DOCK9: variants seen among roughly 807,000 people sequenced by gnomAD.
DOCK9 encodes the protein dedicator of cytokinesis protein 9.
DOCK9 carries 89 observed loss-of-function variants against 263.3 expected under a neutral mutation model. That is an observed-to-expected ratio of 0.34 (90% CI 0.28 to 0.40). DOCK9 has a LOEUF of 0.40. DOCK9 is among the 10% of genes least tolerant of loss of function. The pLI is 1.00. For missense variants in DOCK9, 2,140 were observed against 2,603.4 expected (o/e 0.82, Z 3.87); for synonymous variants, 976 against 973.1 (o/e 1.00, Z -0.06).
At chr13:99,087,460 G>A (rs1280081619), upstream of DOCK9, among the ~76,000 whole-genome samples, 1 of 152,220 alleles carries the variant, frequency 6.6e-6, no homozygotes, top group South Asian at 2.1e-4. Context: ...CCTCCGCGCC[G>A]GACCGCCAGG....
chr13:99,009,865 C>T (rs906432773), intron 1 of DOCK9, among the ~76,000 whole-genome samples: 74 of 152,084 alleles, frequency 4.9e-4, no homozygotes, highest in African/African-American at 1.7e-3. Context: ...TTTAGTCCTT[C>T]GGGACTGTTT....
intron 49 of DOCK9, among the ~76,000 whole-genome samples, chr13:98,801,561 T>G: frequency 6.6e-6 from 1 of 152,204 alleles, no homozygotes; most frequent in South Asian, 2.1e-4. Flanking sequence ...AATTTAAAAA[T>G]GAACAGAAAA....
intron 1 of DOCK9, among the ~76,000 whole-genome samples, chr13:99,037,537 T>C (rs1373904687): frequency 6.6e-6 from 1 of 152,210 alleles, no homozygotes; most frequent in East Asian, 1.9e-4. Flanking sequence ...ATAACTACCT[T>C]GGAAAATAAT....
In DOCK9 at chr13:98,867,509, G is replaced by C. The variant is rs2094063942; in HGVS notation, c.3202C>G (p.Leu1068Val). ...TGTTCATGGTTGCACACTACACGGA[G>C]AAATTCAAACTTGTATTCAAAGAGG... is the stretch of plus-strand genomic sequence containing the variant. ...KTLFEYKFEF[L>V]RVVCNHEHYI... The change falls in exon 30 of 53, where the codon CTC becomes GTC. Residue 1068 changes from leucine (L) to valine (V), a missense_variant. Around this residue, in one of 2 missense-constraint regions of DOCK9, gnomAD observed 1,521 missense variants for 1,741.7 expected, o/e 0.87. Coordinates refer to ENST00000682017, the MANE Select transcript of DOCK9 (RefSeq NM_001366683.2). 1 of 1,610,662 alleles carries C rather than the reference G, an allele frequency of 6.2e-7. No homozygotes were observed. Among genetic ancestry groups the C allele is most frequent in the African/African-American group, 1.3e-5 (1 of 74,932 alleles).
chr13:98,882,500 C>A (rs1241108350), intron 23 of DOCK9, among the ~76,000 whole-genome samples: 1 of 152,172 alleles, frequency 6.6e-6, no homozygotes, highest in Admixed American at 6.5e-5. Flanking sequence ...GCCCTTTTAG[C>A]TATTTCCCCT....
chr13:98,988,853 C>T (rs1879067979), intron 1 of DOCK9, among the ~76,000 whole-genome samples: 1 of 152,208 alleles, frequency 6.6e-6, no homozygotes, highest in African/African-American at 2.4e-5. Flanking sequence ...GGGATTCCTC[C>T]TCCCACATTA....
chr13:99,036,011 C>G (rs556019576), intron 1 of DOCK9, among the ~76,000 whole-genome samples: 8 of 152,286 alleles, frequency 5.3e-5, no homozygotes, highest in Non-Finnish European at 1.0e-4. Context: ...CTCTGGGTCT[C>G]CAGCTTGTCA....
intron 1 of DOCK9, among the ~76,000 whole-genome samples, chr13:99,072,781 C>A (rs966498595): frequency 6.6e-6 from 1 of 152,124 alleles, no homozygotes; most frequent in Admixed American, 6.6e-5. Flanking sequence ...AGGAAGATCA[C>A]TTGAACTCGA....
chr13:99,021,631 T>C (rs796353486), intron 1 of DOCK9, among the ~76,000 whole-genome samples: 5 of 114,108 alleles, frequency 4.4e-5, no homozygotes, highest in African/African-American at 1.7e-4. Flanking sequence ...AGAGTGAGAC[T>C]CTGTCTCAAA....
intron 39 of DOCK9, among the ~76,000 whole-genome samples, chr13:98,835,570 G>T (rs554400426): frequency 1.3e-4 from 20 of 152,152 alleles, no homozygotes; most frequent in South Asian, 1.2e-3. Context: ...GGTGTCTCAG[G>T]GATCAGGCCC....
At chr13:98,843,767 GGCA>G (rs971039552) in intron 38 of DOCK9, among the ~76,000 whole-genome samples, 2 of 152,142 alleles carry the variant, frequency 1.3e-5, no homozygotes, top group Non-Finnish European at 2.9e-5. Flanking sequence ...GATGGCTTTT[GGCA>G]GCAGCAGCAG....
chr13:98,851,720 C>A (rs2093577801), intron 35 of DOCK9, among the ~76,000 whole-genome samples: 1 of 152,306 alleles, frequency 6.6e-6, no homozygotes, highest in African/African-American at 2.4e-5. Flanking sequence ...TCTGTGTTAA[C>A]CATCTCTGGA....
intron 1 of DOCK9, among the ~76,000 whole-genome samples, chr13:99,008,226 A>C (rs1165055761): frequency 7.6e-5 from 9 of 119,070 alleles, no homozygotes; most frequent in Non-Finnish European, 8.6e-5. Flanking sequence ...ATATATATAT[A>C]TATATATATT....
chr13:98,878,039 T>C (rs910653799), intron 27 of DOCK9, among the ~76,000 whole-genome samples: 2 of 152,136 alleles, frequency 1.3e-5, no homozygotes, highest in Non-Finnish European at 2.9e-5. Flanking sequence ...AAAGAGCTGA[T>C]GAAGGTAATG....
chr13:98,997,174 G>T (rs548701965), intron 1 of DOCK9, among the ~76,000 whole-genome samples: 12 of 152,298 alleles, frequency 7.9e-5, no homozygotes, highest in African/African-American at 2.9e-4. Context: ...ACGCCGCTTC[G>T]CAGGGCACCT....
At chr13:99,016,267 C>T (rs1374751405) in intron 1 of DOCK9, among the ~76,000 whole-genome samples, 1 of 152,134 alleles carries the variant, frequency 6.6e-6, no homozygotes, top group Non-Finnish European at 1.5e-5. Context: ...ACATGCAAGC[C>T]CACTTCAAAC....
intron 1 of DOCK9, among the ~76,000 whole-genome samples, chr13:98,994,157 G>A (rs1880460335): frequency 6.6e-6 from 1 of 152,236 alleles, no homozygotes; most frequent in African/African-American, 2.4e-5. Flanking sequence ...TGCAGGTGAA[G>A]GGCTGTTGGC....
At chr13:99,071,484 T>G (rs867954190) in intron 1 of DOCK9, among the ~76,000 whole-genome samples, 2 of 151,756 alleles carry the variant, frequency 1.3e-5, no homozygotes, top group African/African-American at 2.4e-5. Context: ...ACATTATTAA[T>G]CATAAGGAAG....
At chr13:98,973,128 A>T (rs1405938193) in intron 1 of DOCK9, among the ~76,000 whole-genome samples, 1 of 152,250 alleles carries the variant, frequency 6.6e-6, no homozygotes, top group Non-Finnish European at 1.5e-5. Context: ...ACTACTTATT[A>T]AATATTATTG....
Sources: allele counts gnomAD v4.1 joint callset (sites outside exome capture counted in the v4.1 genomes callset), GRCh38; gene constraint gnomAD v4.1.1; regional missense constraint gnomAD v4.1.1; transcripts MANE v1.5; gene names NCBI Gene and HGNC (gene_info 2026-07-23, HGNC 2026-07-21).